The following HDHD5 variants were observed in gnomAD, a reference collection of about 807,000 sequenced individuals.
HDHD5 encodes the protein haloacid dehalogenase like hydrolase domain containing 5, also known as haloacid dehalogenase-like hydrolase domain-containing 5.
HDHD5 carries 34 observed loss-of-function variants against 35.5 expected under a neutral mutation model. The observed-to-expected ratio is 0.96, with a 90% CI of 0.73 to 1.28. The LOEUF (loss-of-function observed/expected upper bound fraction) is 1.28, where lower values mean the gene tolerates loss of function less well. Among genes scored for constraint, HDHD5 ranks in the 50% most tolerant of loss-of-function variants. The pLI is 0.00. For synonymous variants in HDHD5, 248 were observed against 240.6 expected (o/e 1.03, Z -0.29); for missense variants, 589 against 560.2 (o/e 1.05, Z -0.52).
intron 1 of HDHD5, among the ~76,000 whole-genome samples, chr22:17,154,503 AAAAT>A (rs990235689): frequency 4.6e-5 from 7 of 152,208 alleles, no homozygotes; most frequent in Admixed American, 2.0e-4. Flanking sequence ...ATAAAAACAA[AAAAT>A]AAATAAATAA....
chr22:17,163,579 A>G (rs1008582007), upstream of HDHD5, among the ~76,000 whole-genome samples: 1 of 152,132 alleles, frequency 6.6e-6, no homozygotes, highest in African/African-American at 2.4e-5. Flanking sequence ...CCACACCTAT[A>G]TGACCACAGT....
intron 6 of HDHD5, among the ~76,000 whole-genome samples, chr22:17,140,434 T>A (rs958654965): frequency 6.6e-5 from 10 of 151,976 alleles, no homozygotes; most frequent in African/African-American, 2.2e-4. Flanking sequence ...ATCAGAACAA[T>A]CCTTGGCCGG....
At chr22:17,161,215 G>A (rs1365987830), upstream of HDHD5, among the ~76,000 whole-genome samples, 4 of 139,292 alleles carry the variant, frequency 2.9e-5, no homozygotes, top group Non-Finnish European at 4.5e-5. Context: ...CACTGTACTC[G>A]AGCCTGGGCA....
rs1568937832 is a variant in HDHD5, at chr22:17,138,727, C to T, written c.758G>A (p.Gly253Asp). Residue 253 changes from glycine (G) to aspartate (D), a missense_variant, in exon 7 of 8, where the codon GGC (glycine) becomes GAC (aspartate). Physicochemically the swap from Gly to Asp is moderately conservative, Grantham distance 94. Transcript: ENST00000336737. ...GGTTTCCAGGCACAGCAGAAAGGTG[C>T]CATGTCCAAACCTGCCAGAAACGAG... ...AEAKMPRFGH[G>D]TFLLCLETIY... 6.2e-7 allele frequency: 1 copy of T among 1,614,182 alleles called. No individual in the cohort carries two copies. Among genetic ancestry groups the T allele is most frequent in the East Asian group, 2.2e-5 (1 of 44,868 alleles).
In HDHD5 at chr22:17,148,976, T is replaced by C. The variant is rs185469894; in HGVS notation, c.331-416A>G. 3.9e-5 allele frequency among the ~76,000 whole-genome samples: 6 copies of C among 152,346 alleles called. No individual in the cohort carries two copies. In the East Asian group the frequency reaches 1.2e-3, roughly 29 times the overall value. On this transcript the variant is annotated intron_variant, in intron 2 of 7. Coordinates refer to ENST00000336737, the MANE Select transcript of HDHD5 (RefSeq NM_033070.3). ...TTAACATTTATACTAACCCTAACAA[T>C]GCAGCCTTTACTTGGAAGGTTTTTG...
rs564823877 is a variant in HDHD5, at chr22:17,137,800, T to C, written c.*221A>G. 125 of 548,002 alleles carry C rather than the reference T, an allele frequency of 2.3e-4. No individual in the cohort carries two copies. Among genetic ancestry groups the C allele is most frequent in the Non-Finnish European group, 3.7e-4 (114 of 306,678 alleles). 33.9% of individuals were successfully genotyped at this position (548,002 alleles called of 1,614,324 possible). ...ACTGCCACGAAAGGCACGTGGGAAC[T>C]GGGCCCAGAAAATTCCAACCGTTCC... On this transcript the variant is annotated 3_prime_UTR_variant, in exon 8 of 8. Coordinates refer to ENST00000336737, the MANE Select transcript of HDHD5 (RefSeq NM_033070.3).
At chr22:17,148,319 CCT>C (rs2061688003) in intron 3 of HDHD5, 127 bp downstream of exon 3, 7 of 771,538 alleles carry the variant, frequency 9.1e-6, no homozygotes, top group South Asian at 3.2e-5. Flanking sequence ...TCCTCCCTCC[CCT>C]GAGCCCACAA....
At chr22:17,151,304 C>T (rs34902370) in intron 1 of HDHD5, among the ~76,000 whole-genome samples, 29,118 of 151,128 alleles carry the variant, frequency 0.19, 3,364 homozygotes, top group Middle Eastern at 0.32. Context: ...ACAAGATGTT[C>T]TTCAATCATC....
chr22:17,156,510 A>C (rs1171749009), intron 1 of HDHD5, among the ~76,000 whole-genome samples: 2 of 151,530 alleles, frequency 1.3e-5, no homozygotes, highest in Non-Finnish European at 2.9e-5. Flanking sequence ...TAATAGAAAA[A>C]AGCTGCCTGT....
chr22:17,144,910 A>G, intron 4 of HDHD5, 114 bp downstream of exon 4: 1 of 1,284,084 alleles, frequency 7.8e-7, no homozygotes, highest in Non-Finnish European at 1.1e-6. Context: ...CCTCCAAAGA[A>G]GCATGGACAA....
At chr22:17,141,274 TGGCAGGC>T (rs777161644) in intron 5 of HDHD5, 41 bp from the exon 6 acceptor site, 3 of 1,553,752 alleles carry the variant, frequency 1.9e-6, no homozygotes, top group Admixed American at 2.2e-5. Flanking sequence ...GCAGGGCAGA[TGGCAGGC>T]GGCAGGCCCT....
chr22:17,159,171 G>T lies in HDHD5; in HGVS notation c.81C>A (p.Leu27=), dbSNP rs2061839198. Residue 27 remains leucine (L), a synonymous_variant, in exon 1 of 8, where the codon CTC becomes CTA. Coordinates refer to ENST00000336737, the MANE Select transcript of HDHD5 (RefSeq NM_033070.3). ...CWRAARAAAG[L]QGRPARRCYA... ...AGCACCTGCGGGCGGGGCGGCCCTG[G>T]AGCCCCGCAGCCGCGCGCGCCGCCC... 7 of 1,219,684 alleles carry T rather than the reference G, an allele frequency of 5.7e-6. No homozygotes were observed. In the East Asian group the frequency reaches 2.3e-4, roughly 40 times the overall value. 75.6% of individuals were successfully genotyped at this position (1,219,684 alleles called of 1,614,324 possible).
intron 4 of HDHD5, among the ~76,000 whole-genome samples, chr22:17,144,113 T>A (rs1287707100): frequency 2.6e-5 from 4 of 152,196 alleles, no homozygotes; most frequent in Non-Finnish European, 1.5e-5. Context: ...AATGGCCAGC[T>A]CTCCTGGGCA....
chr22:17,149,882 G>T (rs1400261228), intron 1 of HDHD5, 137 bp from the exon 2 acceptor site: 1 of 643,002 alleles, frequency 1.6e-6, no homozygotes, highest in East Asian at 2.8e-5. Flanking sequence ...ATGAAGATGG[G>T]ATTCTGATAG....
chr22:17,149,043 C>T (rs1415502404), intron 2 of HDHD5, among the ~76,000 whole-genome samples: 1 of 152,188 alleles, frequency 6.6e-6, no homozygotes, highest in Non-Finnish European at 1.5e-5. Flanking sequence ...AATTTGATTC[C>T]GTCACATTTT....
At chr22:17,159,293 C>CT (rs776065559), upstream of HDHD5, 871 of 1,239,108 alleles carry the variant, frequency 7.0e-4, 30 homozygotes, top group African/African-American at 0.014. Context: ...GCGGCCCCCC[C>CT]CCCCCGCGAG....
Position 17,150,522 on chromosome 22 carries a change from C to CTTT in HDHD5, c.127-780_127-778dup, listed in dbSNP as rs3053235. ...TTTTTAGTTGGTATCTCTTGGCTGTCTTTTTTTTTTTTTTGAGACAGAGTC... is the reference window on the plus strand; with the variant it reads ...TTTTTAGTTGGTATCTCTTGGCTGTCTTTTTTTTTTTTTTTTTGAGACAGAGTC... On this transcript the variant is annotated intron_variant, in intron 1 of 7. Coordinates refer to ENST00000336737, the MANE Select transcript of HDHD5 (RefSeq NM_033070.3). 1.4e-3 allele frequency among the ~76,000 whole-genome samples: 197 copies of CTTT among 141,938 alleles called. 3 individuals carry two copies. The highest frequency in any genetic ancestry group is 3.1e-3 in the East Asian group (15 of 4,818). 93.1% of individuals were successfully genotyped at this position (141,938 alleles called of 152,430 possible).
At chr22:17,139,821 C>T (rs1205450239) in intron 6 of HDHD5, among the ~76,000 whole-genome samples, 2 of 152,212 alleles carry the variant, frequency 1.3e-5, no homozygotes, top group African/African-American at 2.4e-5. Flanking sequence ...CCACCCACCT[C>T]GGCCTCCCGA....
upstream of HDHD5, among the ~76,000 whole-genome samples, chr22:17,163,880 A>C (rs115470598): frequency 1.1e-3 from 173 of 152,268 alleles, no homozygotes; most frequent in African/African-American, 4.1e-3. Flanking sequence ...TGTCTCCCTC[A>C]CAGTCCTGTC....
Sources: allele counts gnomAD v4.1 joint callset (sites outside exome capture counted in the v4.1 genomes callset), GRCh38; gene constraint gnomAD v4.1.1; transcripts MANE v1.5; gene names NCBI Gene and HGNC (gene_info 2026-07-23, HGNC 2026-07-21).